Variants in TSPAN33 observed in about 807,000 individuals in gnomAD.
TSPAN33 encodes the protein tetraspanin 33, also known as tetraspanin-33.
Under a neutral mutation model 34.8 loss-of-function variants are expected in TSPAN33, and 27 were observed. That is an observed-to-expected ratio of 0.78 (90% CI 0.57 to 1.07). The LOEUF is 1.07. Ranked by LOEUF, TSPAN33 falls within the 50% of genes least tolerant of loss-of-function variation. The probability of loss-of-function intolerance (pLI) is 0.00; values close to 1 mark genes in which losing one functional copy is unlikely to be tolerated. For missense variants in TSPAN33, 272 were observed against 324.9 expected, an observed-to-expected ratio of 0.84 and a Z score of 1.25; for synonymous variants, 119 against 124.2, an observed-to-expected ratio of 0.96 and a Z score of 0.28.
chr7:129,149,835 C>T (rs1314281524), intron 1 of TSPAN33, among the ~76,000 whole-genome samples: 1 of 152,242 alleles, frequency 6.6e-6, no homozygotes, highest in Non-Finnish European at 1.5e-5. Context: ...GACAGCCAGC[C>T]TCCCATGGAC....
intron 1 of TSPAN33, among the ~76,000 whole-genome samples, chr7:129,153,175 T>C (rs1810624636): frequency 1.3e-5 from 2 of 150,302 alleles, no homozygotes; most frequent in South Asian, 4.2e-4. Context: ...ATGTCCAGAA[T>C]AGGCAAATCC....
rs779359837 is a variant in TSPAN33, at chr7:129,167,429, A to G, written c.619A>G (p.Met207Val). The change falls in exon 7 of 8, where the codon ATG (methionine) becomes GTG (valine). Residue 207 changes from methionine (M) to valine (V), a missense_variant. Physicochemically the swap from Met to Val is conservative, Grantham distance 21. Coordinates refer to ENST00000486685, the MANE Select transcript of TSPAN33 (RefSeq NM_178562.5). This position sits in a 1 kb window ranked among gnomAD's most constrained non-coding sequence, Gnocchi z 4.6. Reference sequence around the variant, plus strand: ...GATCAACACTATGTGTGGCCAAGGTATGCAGGCCTTTGACTACTTGGAAGC... The same window carrying G: ...GATCAACACTATGTGTGGCCAAGGTGTGCAGGCCTTTGACTACTTGGAAGC... ...AVINTMCGQGMQAFDYLEASK... is the reference protein window; with the variant it reads ...AVINTMCGQGVQAFDYLEASK... 2 of 1,614,176 alleles carry G rather than the reference A, an allele frequency of 1.2e-6. No homozygotes were observed. The highest frequency in any genetic ancestry group is 8.5e-7 in the Non-Finnish European group (1 of 1,179,994).
Position 129,167,492 on chromosome 7 carries a change from T to C in TSPAN33, c.682T>C (p.Leu228=). ...CTACACCAATGGCTGTATTGACAAGTTGGTCAACTGGATACACAGCAACCT... is the reference window on the plus strand; with the variant it reads ...CTACACCAATGGCTGTATTGACAAGCTGGTCAACTGGATACACAGCAACCT... ...VIYTNGCIDK[L]VNWIHSNLFL... Residue 228 remains leucine (L), a synonymous_variant, in exon 7 of 8, where the codon TTG becomes CTG. Coordinates refer to ENST00000486685, the MANE Select transcript of TSPAN33 (RefSeq NM_178562.5). The surrounding 1 kb of genome is among the most constrained non-coding windows in gnomAD (Gnocchi z 4.6). 1 of 1,614,216 alleles carries C rather than the reference T, an allele frequency of 6.2e-7. No individual in the cohort carries two copies. Among genetic ancestry groups the C allele is most frequent in the Non-Finnish European group, 8.5e-7 (1 of 1,180,028 alleles).
chr7:129,158,658 G>A (rs1792996613), intron 1 of TSPAN33, among the ~76,000 whole-genome samples: 1 of 152,192 alleles, frequency 6.6e-6, no homozygotes, highest in Non-Finnish European at 1.5e-5. Flanking sequence ...TTAGGATAAT[G>A]GCCTCCAGCT....
At chr7:129,161,891 C>A (rs527965132) in intron 2 of TSPAN33, among the ~76,000 whole-genome samples, 155 bp downstream of exon 2, 1 of 152,182 alleles carries the variant, frequency 6.6e-6, no homozygotes, top group African/African-American at 2.4e-5. Flanking sequence ...TCAGACCCCC[C>A]CAGGCCAGTG....
chr7:129,147,115 C>G (rs1378019124), intron 1 of TSPAN33, among the ~76,000 whole-genome samples: 1 of 152,062 alleles, frequency 6.6e-6, no homozygotes, highest in Non-Finnish European at 1.5e-5. Flanking sequence ...AGCACCACCC[C>G]AAATTAGAAT....
intron 4 of TSPAN33, 49 bp from the exon 5 acceptor site, chr7:129,164,425 A>G: frequency 6.5e-7 from 1 of 1,533,410 alleles, no homozygotes; most frequent in Non-Finnish European, 9.0e-7. Context: ...GGAAGGAGCA[A>G]GTTAGGGATT....
intron 1 of TSPAN33, among the ~76,000 whole-genome samples, chr7:129,145,368 C>T (rs1249062100): frequency 6.6e-6 from 1 of 151,918 alleles, no homozygotes; most frequent in Non-Finnish European, 1.5e-5. Context: ...AGCCTGTTGG[C>T]CCAAGGCGGA....
rs764226012 is a variant in TSPAN33, at chr7:129,162,402, C to G, written c.169C>G (p.Leu57Val). The G allele has an allele frequency of 1.9e-6, 3 of 1,613,024 alleles. No individual in the cohort carries two copies. Among genetic ancestry groups the G allele is most frequent in the South Asian group, 1.1e-5 (1 of 91,092 alleles). ...GCCGGCTCCTTTTCCAGAAGCAGCC[C>G]TAGCCTGCCTGGCAGTGGACCCTGC... is the stretch of plus-strand genomic sequence containing the variant. ...ARLMKHAEAA[L>V]ACLAVDPAIL... The change falls in exon 3 of 8, where the codon CTA becomes GTA. Residue 57 changes from leucine to valine, a missense_variant. Leu to Val is a conservative substitution (Grantham distance 32, BLOSUM62 1). Coordinates refer to ENST00000486685, the MANE Select transcript of TSPAN33 (RefSeq NM_178562.5).
At chr7:129,152,788 G>T (rs1435479305) in intron 1 of TSPAN33, among the ~76,000 whole-genome samples, 1 of 152,008 alleles carries the variant, frequency 6.6e-6, no homozygotes, top group Non-Finnish European at 1.5e-5. Flanking sequence ...CCGAACGCGG[G>T]TGGCTCACAC....
intron 5 of TSPAN33, 189 bp downstream of exon 5, chr7:129,164,758 A>G: frequency 3.6e-6 from 2 of 549,192 alleles, no homozygotes; most frequent in East Asian, 6.4e-5. Context: ...AACAGTATAT[A>G]TAGTAATCTA....
intron 1 of TSPAN33, among the ~76,000 whole-genome samples, chr7:129,149,525 G>T (rs1342560035): frequency 1.2e-4 from 18 of 152,046 alleles, no homozygotes; most frequent in Admixed American, 2.6e-4. Flanking sequence ...TACATTCCAC[G>T]CTGGGCAACA....
chr7:129,167,336 A>G lies in TSPAN33; in HGVS notation c.589-63A>G, dbSNP rs1793157854. 1.3e-6 allele frequency: 2 copies of G among 1,553,428 alleles called. No individual in the cohort carries two copies. Among genetic ancestry groups the G allele is most frequent in the African/African-American group, 1.4e-5 (1 of 73,832 alleles). On this transcript the variant is annotated intron_variant, in intron 6 of 7. Transcript: ENST00000486685. The surrounding 1 kb of genome is among the most constrained non-coding windows in gnomAD (Gnocchi z 4.6). Reference sequence around the variant, plus strand: ...GGGAAGGGTGGGAAGCCCATCAGCTAAGGCCCCAAACAAAAAGTTATTGGA... The same window carrying G: ...GGGAAGGGTGGGAAGCCCATCAGCTGAGGCCCCAAACAAAAAGTTATTGGA...
Position 129,161,713 on chromosome 7 carries a change from A to C in TSPAN33, c.137A>C (p.Tyr46Ser), listed in dbSNP as rs200878333. 6.2e-7 allele frequency: 1 copy of C among 1,614,058 alleles called. No homozygotes were observed. ...ATGGTGATGGTGGCTGTGGGTGTCT[A>C]CGCTCGGCTAATGAAGCATGCAGGT... is the stretch of plus-strand genomic sequence containing the variant. ...ISMVMVAVGV[Y>S]ARLMKHAEAA... Residue 46 changes from tyrosine (Y) to serine (S), a missense_variant, in exon 2 of 8, where the codon TAC (tyrosine) becomes TCC (serine). Transcript: ENST00000486685.
intron 4 of TSPAN33, among the ~76,000 whole-genome samples, chr7:129,163,991 G>A (rs377541429): frequency 1.4e-4 from 21 of 152,104 alleles, no homozygotes; most frequent in African/African-American, 4.3e-4. Context: ...TTATGAAATC[G>A]AGAGCCACTG....
chr7:129,167,721 A>G lies in TSPAN33; in HGVS notation c.751-52A>G. ...GCACTGGGAAGATCGAGCCAGGGAA[A>G]ACAAGGCCATCACTCACTGCTGAGT... is the stretch of plus-strand genomic sequence containing the variant. On this transcript the variant is annotated intron_variant, in intron 7 of 7. Coordinates refer to ENST00000486685, the MANE Select transcript of TSPAN33 (RefSeq NM_178562.5). This position sits in a 1 kb window ranked among gnomAD's most constrained non-coding sequence, Gnocchi z 4.6. The G allele has an allele frequency of 6.2e-7, 1 of 1,600,930 alleles. No homozygotes were observed. The highest frequency in any genetic ancestry group is 2.2e-5 in the East Asian group (1 of 44,804).
At chr7:129,145,327 CTG>C (rs1049366279) in intron 1 of TSPAN33, among the ~76,000 whole-genome samples, 1 of 151,912 alleles carries the variant, frequency 6.6e-6, no homozygotes. Context: ...GGAGGAGGGT[CTG>C]TGTTAGGCTA....
At chr7:129,166,109 C>A (rs1793136241) in intron 5 of TSPAN33, among the ~76,000 whole-genome samples, 1 of 151,806 alleles carries the variant, frequency 6.6e-6, no homozygotes, top group African/African-American at 2.4e-5. Flanking sequence ...CCAGCTAATT[C>A]TTGTATTTTT....
In TSPAN33 at chr7:129,167,914, C is replaced by T. The variant is rs771997909; in HGVS notation, c.*40C>T. 40 of 1,607,038 alleles carry T rather than the reference C, an allele frequency of 2.5e-5. No homozygotes were observed. Among genetic ancestry groups the T allele is most frequent in the Non-Finnish European group, 3.4e-5 (40 of 1,176,968 alleles). On this transcript the variant is annotated 3_prime_UTR_variant, in exon 8 of 8. Transcript: ENST00000486685. The surrounding 1 kb of genome is among the most constrained non-coding windows in gnomAD (Gnocchi z 4.6). ...CCTCCTCACCATGGAAACTGGCAAG[C>T]CTCATAAACGAACAGCAGTGGGTGC...
Sources: allele counts gnomAD v4.1 joint callset (sites outside exome capture counted in the v4.1 genomes callset), GRCh38; gene constraint gnomAD v4.1.1; non-coding constraint Gnocchi (gnomAD v3.1); transcripts MANE v1.5; gene names NCBI Gene and HGNC (gene_info 2026-07-23, HGNC 2026-07-21).